Variants in MAML3 observed in about 807,000 individuals in gnomAD.
MAML3 encodes mastermind-like protein 3.
Under a neutral mutation model 101.9 loss-of-function variants are expected in MAML3, and 27 were observed. The ratio of observed to expected loss-of-function variants is 0.27; its 90% confidence interval spans 0.20 to 0.37. The LOEUF (loss-of-function observed/expected upper bound fraction) is 0.37, where lower values mean the gene tolerates loss of function less well. MAML3 is among the 10% of genes least tolerant of loss of function. MAML3 has a pLI of 1.00. For synonymous variants in MAML3, 501 were observed against 555.9 expected (o/e 0.90, Z 1.39); for missense variants, 1,316 against 1,444.9 (o/e 0.91, Z 1.45).
chr4:140,088,903 G>T (rs1437734580), intron 1 of MAML3, among the ~76,000 whole-genome samples: 1 of 152,108 alleles, frequency 6.6e-6, no homozygotes, highest in African/African-American at 2.4e-5. Context: ...TTTCAGTGTG[G>T]AATTTCTACA....
chr4:140,101,412 T>C (rs1385856417), intron 1 of MAML3, among the ~76,000 whole-genome samples: 2 of 152,202 alleles, frequency 1.3e-5, no homozygotes, highest in East Asian at 1.9e-4. Flanking sequence ...ACAGTTGCAG[T>C]TGTAATGCAC....
At chr4:139,781,535 T>C (rs1475403590) in intron 2 of MAML3, among the ~76,000 whole-genome samples, 1 of 128,924 alleles carries the variant, frequency 7.8e-6, no homozygotes, top group Non-Finnish European at 1.7e-5. Flanking sequence ...ATATATAGTC[T>C]GTACAGCACA....
intron 1 of MAML3, among the ~76,000 whole-genome samples, chr4:139,921,833 A>G (rs1205867287): frequency 1.3e-5 from 2 of 152,174 alleles, no homozygotes; most frequent in Non-Finnish European, 2.9e-5. Context: ...TTGTTTAAAC[A>G]CTGGAGCTGT....
intron 2 of MAML3, among the ~76,000 whole-genome samples, chr4:139,842,762 C>CT (rs71584337): frequency 0.033 from 1,011 of 30,964 alleles, 465 homozygotes; most frequent in East Asian, 0.11. Flanking sequence ...ATCCGCTTGC[C>CT]TTTTTTTTTT....
intron 1 of MAML3, among the ~76,000 whole-genome samples, chr4:140,091,537 C>G (rs75216617): frequency 1.4e-5 from 1 of 71,600 alleles, no homozygotes. Flanking sequence ...AACAACAAAA[C>G]AAAAACAAAA....
chr4:140,083,881 C>T (rs1560888216), intron 1 of MAML3, among the ~76,000 whole-genome samples: 1 of 151,422 alleles, frequency 6.6e-6, no homozygotes, highest in African/African-American at 2.4e-5. Context: ...CTGTAGGCTA[C>T]AGAAAAGCCC....
chr4:140,018,018 AC>A (rs1726671416), intron 1 of MAML3, among the ~76,000 whole-genome samples: 1 of 152,046 alleles, frequency 6.6e-6, no homozygotes, highest in Non-Finnish European at 1.5e-5. Flanking sequence ...TTTTAAAAAT[AC>A]AAAAAGGAAT....
intron 1 of MAML3, among the ~76,000 whole-genome samples, chr4:140,090,729 T>C (rs2110980784): frequency 6.6e-6 from 1 of 152,314 alleles, no homozygotes; most frequent in African/African-American, 2.4e-5. Context: ...ACTACATGCT[T>C]CCACAAATTC....
At position 139,920,115 on chromosome 4, in the gene MAML3, A is replaced by G. The variant is rs148622788; in HGVS notation, c.469-29148T>C. The stretch of plus-strand genomic sequence containing the variant: ...ATGTTCATTACAAGCACTGTTGTTC[A>G]TAACAAACTAATGACTAATGACTCT... On this transcript the variant is annotated intron_variant, in intron 1 of 4. Transcript: ENST00000509479. 1.0e-3 allele frequency among the ~76,000 whole-genome samples: 156 copies of G among 152,384 alleles called. 1 individual carries two copies. The highest frequency in any genetic ancestry group is 3.4e-3 in the African/African-American group (143 of 41,594).
At chr4:139,974,272 A>G (rs974601312) in intron 1 of MAML3, among the ~76,000 whole-genome samples, 4 of 151,680 alleles carry the variant, frequency 2.6e-5, no homozygotes, top group South Asian at 2.1e-4. Context: ...CGCCCAGCTA[A>G]TTTTTTGTAT....
At chr4:139,940,995 T>C (rs1483797583) in intron 1 of MAML3, among the ~76,000 whole-genome samples, 12 of 152,252 alleles carry the variant, frequency 7.9e-5, no homozygotes, top group Non-Finnish European at 1.6e-4. Context: ...GATGAATGGG[T>C]TGGATCTCTC....
At chr4:139,752,110 A>G (rs1729521433) in intron 2 of MAML3, among the ~76,000 whole-genome samples, 1 of 152,154 alleles carries the variant, frequency 6.6e-6, no homozygotes, top group African/African-American at 2.4e-5. Flanking sequence ...TACTTCAGCA[A>G]TTTCTACAAA....
intron 2 of MAML3, among the ~76,000 whole-genome samples, chr4:139,816,407 T>G (rs1022869251): frequency 1.3e-5 from 2 of 152,064 alleles, no homozygotes; most frequent in African/African-American, 4.8e-5. Context: ...ATCCCCTGAT[T>G]GTGGGGGATG....
intron 1 of MAML3, among the ~76,000 whole-genome samples, chr4:139,926,621 C>T (rs1251259993): frequency 6.6e-6 from 1 of 152,004 alleles, no homozygotes; most frequent in Non-Finnish European, 1.5e-5. Context: ...AACAAACAAA[C>T]AAAAAAGAAA....
At chr4:139,959,700 A>G (rs986344597) in intron 1 of MAML3, among the ~76,000 whole-genome samples, 1 of 152,198 alleles carries the variant, frequency 6.6e-6, no homozygotes, top group East Asian at 1.9e-4. Context: ...TATTGAGGAA[A>G]GAACTATCTG....
intron 1 of MAML3, among the ~76,000 whole-genome samples, chr4:140,058,242 T>C (rs935957837): frequency 2.0e-5 from 3 of 150,558 alleles, no homozygotes; most frequent in African/African-American, 7.3e-5. Flanking sequence ...GAACACTTTG[T>C]CTTTGAAGCC....
chr4:139,939,742 G>C (rs1000531239), intron 1 of MAML3, among the ~76,000 whole-genome samples: 1 of 150,094 alleles, frequency 6.7e-6, no homozygotes, highest in African/African-American at 2.4e-5. Context: ...TTTGTGCACA[G>C]TAGGTTCTCA....
intron 2 of MAML3, among the ~76,000 whole-genome samples, chr4:139,874,806 T>C (rs1228732071): frequency 9.6e-5 from 1 of 10,470 alleles, no homozygotes; most frequent in Non-Finnish European, 2.2e-4. Flanking sequence ...CTATCTTTCC[T>C]TTTTTTTTTT....
At chr4:140,039,852 A>T (rs1462144004) in intron 1 of MAML3, among the ~76,000 whole-genome samples, 1 of 152,144 alleles carries the variant, frequency 6.6e-6, no homozygotes, top group Non-Finnish European at 1.5e-5. Flanking sequence ...TATTATCACC[A>T]CTATCAACCT....
Sources: gnomAD v4.1 joint callset for allele counts (sites outside exome capture counted in the v4.1 genomes callset) on GRCh38, gnomAD v4.1.1 for gene constraint, MANE v1.5 for transcripts, NCBI Gene and HGNC (gene_info 2026-07-23, HGNC 2026-07-21) for gene names.